The following LAMA2 variants were observed in gnomAD, a reference collection of about 807,000 sequenced individuals.
LAMA2 encodes laminin subunit alpha-2.
LAMA2 carries 269 observed loss-of-function variants against 364.8 expected under a neutral mutation model. The ratio of observed to expected loss-of-function variants is 0.74; its 90% confidence interval spans 0.67 to 0.82. The LOEUF is 0.82. Ranked by LOEUF, LAMA2 falls within the 40% of genes least tolerant of loss-of-function variation. LAMA2 has a pLI of 0.00. For missense variants in LAMA2, 3,807 were observed against 3,873.2 expected (o/e 0.98, Z 0.45); for synonymous variants, 1,379 against 1,370.6 (o/e 1.01, Z -0.14).
chr6:128,891,604 A>C (rs2114385560), intron 1 of LAMA2, among the ~76,000 whole-genome samples: 1 of 152,160 alleles, frequency 6.6e-6, no homozygotes, highest in Middle Eastern at 3.4e-3. Flanking sequence ...CATTTTCAAA[A>C]TGCCTCAAAA....
At position 129,452,841 on chromosome 6, in the gene LAMA2, G is replaced by A. The variant is rs188863632; in HGVS notation, c.6430-147G>A. 1.1e-3 allele frequency: 756 copies of A among 709,000 alleles called. 2 individuals are homozygous for A. The highest frequency in any genetic ancestry group is 1.7e-3 in the Non-Finnish European group (706 of 406,870). 43.9% of individuals were successfully genotyped at this position (709,000 alleles called of 1,614,324 possible). ...TGCCCTCATTAATGAGTATAATGGTGTCTGCATATGGGTGTTTAATGATAG... is the reference window on the plus strand; with the variant it reads ...TGCCCTCATTAATGAGTATAATGGTATCTGCATATGGGTGTTTAATGATAG... On this transcript the variant is annotated intron_variant, in intron 45 of 64. Coordinates refer to ENST00000421865, the MANE Select transcript of LAMA2 (RefSeq NM_000426.4).
In LAMA2 at chr6:128,925,764, G is replaced by A. The variant is rs192269015; in HGVS notation, c.112+42407G>A. 1.5e-3 allele frequency among the ~76,000 whole-genome samples: 225 copies of A among 151,986 alleles called. 2 individuals are homozygous for A. The highest frequency in any genetic ancestry group is 5.8e-4 in the East Asian group (3 of 5,178). ...CAATGTCTTTATTCTTTAGTTCTGC[G>A]TTTACATAGACACAAATTCTCACAT... On this transcript the variant is annotated intron_variant, in intron 1 of 64. Coordinates refer to ENST00000421865, the MANE Select transcript of LAMA2 (RefSeq NM_000426.4).
intron 41 of LAMA2, among the ~76,000 whole-genome samples, chr6:129,438,179 A>G (rs1408828996): frequency 3.3e-5 from 5 of 151,770 alleles, no homozygotes; most frequent in African/African-American, 1.2e-4. Context: ...TGTCCAAATA[A>G]ATATTAACAA....
At chr6:129,319,137 C>T (rs545391524) in intron 27 of LAMA2, among the ~76,000 whole-genome samples, 2 of 151,526 alleles carry the variant, frequency 1.3e-5, no homozygotes, top group Non-Finnish European at 2.9e-5. Context: ...AGAAAGAAAT[C>T]AATATTATTA....
intron 1 of LAMA2, among the ~76,000 whole-genome samples, chr6:129,030,313 C>G (rs1289435332): frequency 6.6e-6 from 1 of 151,964 alleles, no homozygotes; most frequent in Non-Finnish European, 1.5e-5. Flanking sequence ...GGGTCTGAAG[C>G]TCTTTGAAGG....
At chr6:128,921,870 A>G (rs1264004271) in intron 1 of LAMA2, among the ~76,000 whole-genome samples, 43 of 60,550 alleles carry the variant, frequency 7.1e-4, no homozygotes, top group Non-Finnish European at 6.2e-4. Flanking sequence ...CCCCCACCCC[A>G]CAACAGTCCC....
chr6:129,145,121 G>A (rs1778356725), intron 5 of LAMA2, among the ~76,000 whole-genome samples: 1 of 151,970 alleles, frequency 6.6e-6, no homozygotes, highest in Non-Finnish European at 1.5e-5. Flanking sequence ...AATTAATATT[G>A]TAGGACAAAG....
chr6:129,013,891 G>T (rs772048019), intron 1 of LAMA2, among the ~76,000 whole-genome samples: 1 of 152,090 alleles, frequency 6.6e-6, no homozygotes, highest in Non-Finnish European at 1.5e-5. Context: ...GCTTGGATGA[G>T]ATAGGTTTCA....
intron 20 of LAMA2, 82 bp from the exon 21 acceptor site, chr6:129,297,603 C>T: frequency 1.5e-6 from 2 of 1,321,188 alleles, no homozygotes; most frequent in Non-Finnish European, 2.2e-6. Flanking sequence ...TCTGTTCCCA[C>T]CTGATCTTTG....
intron 1 of LAMA2, among the ~76,000 whole-genome samples, chr6:128,899,379 A>G (rs554862374): frequency 3.9e-5 from 6 of 152,362 alleles, no homozygotes; most frequent in Non-Finnish European, 7.3e-5. Flanking sequence ...GAGAACTAGA[A>G]GGGTATTTAA....
At chr6:129,162,229 A>G (rs1369224266) in intron 8 of LAMA2, among the ~76,000 whole-genome samples, 1 of 152,176 alleles carries the variant, frequency 6.6e-6, no homozygotes, top group Admixed American at 6.5e-5. Context: ...AGCTCATGAT[A>G]TAGTGATATA....
At chr6:129,495,754 A>C (rs1165916372) in intron 58 of LAMA2, among the ~76,000 whole-genome samples, 1 of 152,158 alleles carries the variant, frequency 6.6e-6, no homozygotes, top group Non-Finnish European at 1.5e-5. Flanking sequence ...TGGTATTTAG[A>C]GATCACACTT....
At chr6:129,306,343 AGG>A (rs1773870857) in intron 22 of LAMA2, among the ~76,000 whole-genome samples, 1 of 111,356 alleles carries the variant, frequency 9.0e-6, no homozygotes, top group African/African-American at 3.9e-5. Flanking sequence ...TGTTCCAGAA[AGG>A]TGTTTTTTTT....
chr6:129,492,259 T>C (rs997161636), intron 57 of LAMA2, 56 bp from the exon 58 acceptor site: 3 of 1,573,730 alleles, frequency 1.9e-6, no homozygotes, highest in Non-Finnish European at 2.6e-6. Flanking sequence ...TTGGGCTTAA[T>C]TGTAAGGAAG....
intron 4 of LAMA2, among the ~76,000 whole-genome samples, chr6:129,142,345 G>T (rs1055078413): frequency 9.9e-5 from 15 of 151,936 alleles, no homozygotes; most frequent in Non-Finnish European, 2.2e-4. Flanking sequence ...TTCGGGGCTT[G>T]CAGACTGCTG....
At chr6:129,508,837 A>G (rs150781625) in intron 62 of LAMA2, among the ~76,000 whole-genome samples, 119 of 152,246 alleles carry the variant, frequency 7.8e-4, no homozygotes, top group African/African-American at 2.8e-3. Flanking sequence ...GAGTGCAGAT[A>G]TCTCTTCAAT....
intron 5 of LAMA2, 144 bp from the exon 6 acceptor site, chr6:129,146,815 A>C: frequency 1.5e-6 from 1 of 688,160 alleles, no homozygotes; most frequent in East Asian, 2.7e-5. Flanking sequence ...CAGTTTTGTG[A>C]GTCCTCACTT....
In LAMA2 at chr6:129,503,210, G is replaced by A; in HGVS notation, c.8477G>A (p.Ser2826Asn). 1 of 1,614,106 alleles carries A rather than the reference G, an allele frequency of 6.2e-7. No individual in the cohort carries two copies. The highest frequency in any genetic ancestry group is 8.5e-7 in the Non-Finnish European group (1 of 1,179,992). ...CTGAGAAATGGATTGCCCTACTTCA[G>A]CTATGACTTGGGGAGTGGGGACACC... ...VQLRNGLPYF[S>N]YDLGSGDTHT... Residue 2826 changes from serine (S) to asparagine (N), a missense_variant, in exon 60 of 65, where the codon AGC becomes AAC. Transcript: ENST00000421865.
chr6:128,917,681 C>T (rs1188839438), intron 1 of LAMA2, among the ~76,000 whole-genome samples: 3 of 146,094 alleles, frequency 2.1e-5, no homozygotes, highest in Non-Finnish European at 3.0e-5. Flanking sequence ...TACTCTCACC[C>T]TATTATCTGT....
Sources: allele counts gnomAD v4.1 joint callset (sites outside exome capture counted in the v4.1 genomes callset), GRCh38; gene constraint gnomAD v4.1.1; transcripts MANE v1.5; gene names NCBI Gene and HGNC (gene_info 2026-07-23, HGNC 2026-07-21).